Variants in PDK3 observed in about 807,000 individuals in gnomAD.
PDK3 encodes pyruvate dehydrogenase kinase 3.
In PDK3, 12 loss-of-function variants were observed where a neutral mutation model predicts 32.0. That is an observed-to-expected ratio of 0.37 (90% CI 0.24 to 0.61). The LOEUF (loss-of-function observed/expected upper bound fraction) is 0.61. PDK3 is among the 20% of genes least tolerant of loss of function. The pLI is 0.65. For missense variants in PDK3, 188 were observed against 316.9 expected (o/e 0.59, Z 3.09); for synonymous variants, 122 against 116.3 (o/e 1.05, Z -0.31).
chrX:24,514,691 A>C (rs1248119614), intron 5 of PDK3, among the ~76,000 whole-genome samples: 1 of 111,339 alleles, frequency 9.0e-6, no homozygotes, highest in Non-Finnish European at 1.9e-5. Flanking sequence ...GTCCTGTTTG[A>C]GTATATAAGT....
intron 1 of PDK3, among the ~76,000 whole-genome samples, chrX:24,485,660 G>A (rs748974434): frequency 2.7e-5 from 3 of 111,876 alleles, no homozygotes; most frequent in East Asian, 5.6e-4. Context: ...TATCCCTATC[G>A]GCAAGGTAAA....
At chrX:24,549,644 C>G (rs1376761688) in exon 12 of PDK3, 3 of 111,504 alleles carry the variant, frequency 2.7e-5, no homozygotes, top group African/African-American at 9.8e-5. Context: ...TCCTGGAAAA[C>G]AGGACCCATT....
chrX:24,506,225 G>C (rs1921976434), intron 5 of PDK3, among the ~76,000 whole-genome samples: 1 of 111,928 alleles, frequency 8.9e-6, no homozygotes, highest in Admixed American at 9.5e-5. Context: ...AGTCACAACA[G>C]ATTTACTCAC....
In PDK3 at chrX:24,469,129, T is replaced by C. The variant is rs781476454; in HGVS notation, c.106+3568T>C. Among the ~76,000 whole-genome samples, 29 of 112,277 alleles carry C rather than the reference T, an allele frequency of 2.6e-4. No homozygotes were observed. In the South Asian group the frequency reaches 6.2e-3, roughly 24 times the overall value. ...CAGAATTTATTAGCAACTTTCCCTA[T>C]TGATGGCTACAATTAATAGGTTGTT... On this transcript the variant is annotated intron_variant, in intron 1 of 10. Coordinates refer to ENST00000379162, the MANE Select transcript of PDK3 (RefSeq NM_005391.5).
At chrX:24,506,424 A>G (rs1469847478) in intron 5 of PDK3, among the ~76,000 whole-genome samples, 1 of 112,153 alleles carries the variant, frequency 8.9e-6, no homozygotes, top group African/African-American at 3.2e-5. Context: ...TGAAACAGAA[A>G]ACTTGGTTCA....
At chrX:24,546,548 T>C (rs183408932) in exon 12 of PDK3, 1 of 109,704 alleles carries the variant, frequency 9.1e-6, no homozygotes, top group East Asian at 2.9e-4. Context: ...ACAGAATTCC[T>C]GAGAAACCTC....
chrX:24,549,719 G>A (rs932332519), exon 12 of PDK3: 2 of 111,675 alleles, frequency 1.8e-5, no homozygotes, highest in Admixed American at 9.5e-5. Context: ...AGAGTTCCTT[G>A]GTGTTAAAAT....
chrX:24,539,045 T>G (rs1279822288), downstream of PDK3: 9 of 563,556 alleles, frequency 1.6e-5, no homozygotes, highest in Admixed American at 3.3e-5. Context: ...GAATTATCAC[T>G]ATAATGAAAT....
intron 2 of PDK3, 52 bp downstream of exon 2, chrX:24,494,935 T>C (rs767306577): frequency 2.8e-5 from 30 of 1,090,185 alleles, no homozygotes; most frequent in Non-Finnish European, 3.6e-5. Context: ...CTGTGAACAT[T>C]TGGCAGCGAG....
At chrX:24,502,346 A>C (rs752467379) in intron 3 of PDK3, among the ~76,000 whole-genome samples, 1 of 112,041 alleles carries the variant, frequency 8.9e-6, no homozygotes, top group Non-Finnish European at 1.9e-5. Flanking sequence ...ACTGATTTGC[A>C]ATGTCACTTT....
chrX:24,469,295 C>T lies in PDK3; in HGVS notation c.106+3734C>T, dbSNP rs568313273. ...CAGGTATGTGCATTTGTAATTTTGG[C>T]GAACATTGTCAAATTGCTTTCCATA... On this transcript the variant is annotated intron_variant, in intron 1 of 10. Transcript: ENST00000379162. Among the ~76,000 whole-genome samples the T allele has an allele frequency of 2.3e-4, 26 of 111,302 alleles. 1 individual carries two copies. The South Asian group carries it at 9.3e-3, about 40-fold the overall frequency.
At chrX:24,513,549 G>A in intron 5 of PDK3, 1 of 136,752 alleles carries the variant, frequency 7.3e-6, no homozygotes. Flanking sequence ...AGAGGGCCGT[G>A]TCATTGGTTT....
At position 24,540,795 on chromosome X, in the gene PDK3, G is replaced by A. The variant is rs1922871284; in HGVS notation, c.*1631G>A. ...GGTCTGAGGACCGAGTCAGTGTCTT[G>A]GGGATGGGGCTGTTCCATATGATTA... On this transcript the variant is annotated 3_prime_UTR_variant, in exon 12 of 12. Coordinates refer to the PDK3 transcript ENST00000568479. Among the ~76,000 whole-genome samples the A allele has an allele frequency of 2.8e-5, 3 of 105,326 alleles. No individual in the cohort carries two copies. The Admixed American group carries it at 3.1e-4, about 11-fold the overall frequency. 91.5% of individuals were successfully genotyped at this position (105,326 alleles called of 115,157 possible).
chrX:24,548,311 C>T (rs915754334), exon 12 of PDK3: 1 of 111,931 alleles, frequency 8.9e-6, no homozygotes. Context: ...ACAGAACAAC[C>T]CTGCAATTTG....
intron 5 of PDK3, among the ~76,000 whole-genome samples, chrX:24,511,780 G>A (rs913819672): frequency 9.5e-4 from 102 of 107,919 alleles, no homozygotes; most frequent in African/African-American, 3.3e-3. Flanking sequence ...CCCAGGAGAC[G>A]GAGGTTGCAG....
At chrX:24,529,479 TC>T (rs1165964358) in intron 9 of PDK3, among the ~76,000 whole-genome samples, 1 of 111,664 alleles carries the variant, frequency 9.0e-6, no homozygotes, top group East Asian at 2.8e-4. Context: ...CTAGTGGCTC[TC>T]CCAGTTAGGA....
intron 5 of PDK3, among the ~76,000 whole-genome samples, chrX:24,517,489 C>G (rs1241465099): frequency 1.8e-5 from 2 of 112,681 alleles, no homozygotes; most frequent in African/African-American, 3.2e-5. Flanking sequence ...TCCCAAAGTC[C>G]TGGGTTTACA....
chrX:24,537,282 ATTTTTTT>A (rs1167543267), downstream of PDK3, among the ~76,000 whole-genome samples: 19 of 65,665 alleles, frequency 2.9e-4, no homozygotes, highest in Middle Eastern at 0.012. Flanking sequence ...ACGCCTGGCT[ATTTTTTT>A]TTTTTTTTTT....
At position 24,465,380 on chromosome X, in the gene PDK3, A is replaced by G; in HGVS notation, c.-76A>G. 2.6e-6 allele frequency: 2 copies of G among 755,990 alleles called. No homozygotes were observed. Among genetic ancestry groups the G allele is most frequent in the Non-Finnish European group, 3.9e-6 (2 of 518,090 alleles). The allele number at this position is 755,990 out of a possible 1,213,427, so 62.3% of individuals were successfully genotyped here. ...GGTGCGCGCTTCGCAAACGTGCCCT[A>G]TCCGTGCGGCTTGGCTGCGCCAGCC... On this transcript the variant is annotated 5_prime_UTR_variant, in exon 1 of 11. Coordinates refer to ENST00000379162, the MANE Select transcript of PDK3 (RefSeq NM_005391.5).
Sources: allele counts gnomAD v4.1 joint callset (sites outside exome capture counted in the v4.1 genomes callset), GRCh38; gene constraint gnomAD v4.1.1; transcripts MANE v1.5; gene names NCBI Gene and HGNC (gene_info 2026-07-23, HGNC 2026-07-21).